MPV17L: variants seen among roughly 807,000 people sequenced by gnomAD.
The protein encoded by MPV17L is mpv17-like protein.
In MPV17L, 24 loss-of-function variants were observed where a neutral mutation model predicts 25.8. That is an observed-to-expected ratio of 0.93 (90% confidence interval 0.67 to 1.31). MPV17L has a LOEUF of 1.31. Ranked by LOEUF, MPV17L falls within the 50% of genes most tolerant of loss-of-function variation. MPV17L has a pLI of 0.00. For synonymous variants in MPV17L, 102 were observed against 115.3 expected, an observed-to-expected ratio of 0.88 and a Z score of 0.74; for missense variants, 250 against 265.6, an observed-to-expected ratio of 0.94 and a Z score of 0.41.
chr16:15,396,164 C>A lies in MPV17L; in HGVS notation c.267C>A (p.Asp89Glu). ...PHALLAKLLC[D>E]QVVGAPIAVS... ...CCCTGCTGGCCAAGTTGCTGTGCGA[C>A]CAGGTGGTCGGTGCGCCCATCGCGG... The change falls in exon 1 of 4, where the codon GAC becomes GAA. Residue 89 changes from aspartate to glutamate, a missense_variant. By Grantham distance (45) the Asp-to-Glu change is conservative (BLOSUM62 2). Coordinates refer to ENST00000396385, the MANE Select transcript of MPV17L (RefSeq NM_001128423.2). 1 of 1,550,480 alleles carries A rather than the reference C, an allele frequency of 6.4e-7. No individual in the cohort carries two copies.
At chr16:15,402,156 C>G (rs1197834502) in intron 2 of MPV17L, among the ~76,000 whole-genome samples, 1 of 152,110 alleles carries the variant, frequency 6.6e-6, no homozygotes, top group Non-Finnish European at 1.5e-5. Flanking sequence ...AGGTTTGAAG[C>G]AAATCAGCAT....
chr16:15,397,639 G>A (rs2050598811), intron 1 of MPV17L, among the ~76,000 whole-genome samples: 1 of 152,146 alleles, frequency 6.6e-6, no homozygotes, highest in Admixed American at 6.5e-5. Flanking sequence ...CCCCCCAAAT[G>A]GGAGGGAACT....
rs2050699881 is a variant in MPV17L, at chr16:15,408,219, T to A, written c.*107T>A. ...CAATTATGCACTTCATTTTGAGGAA[T>A]TACTACTATTTATAGACCCACTTTT... On this transcript the variant is annotated 3_prime_UTR_variant, in exon 4 of 4. Transcript: ENST00000396385. 2 of 798,388 alleles carry A rather than the reference T, an allele frequency of 2.5e-6. No individual in the cohort carries two copies. The highest frequency in any genetic ancestry group is 3.5e-5 in the African/African-American group (2 of 57,294). 49.5% of individuals were successfully genotyped at this position (798,388 alleles called of 1,614,324 possible). A position where few individuals can be genotyped will look rare whatever the true frequency, so the allele number is the denominator to read the frequency against.
intron 2 of MPV17L, among the ~76,000 whole-genome samples, chr16:15,401,594 C>T (rs988986267): frequency 2.0e-5 from 3 of 152,028 alleles, no homozygotes; most frequent in Admixed American, 1.3e-4. Context: ...CTGAGGCAGG[C>T]GGATCACTTG....
Position 15,397,768 on chromosome 16 carries a change from C to G in MPV17L, c.310+1561C>G, listed in dbSNP as rs192259381. ...TAAGAGTTGGATTCACTTCCTTTCC[C>G]TACAGACCCCACCAGAAACACAAAC... On this transcript the variant is annotated intron_variant, in intron 1 of 3. Coordinates refer to ENST00000396385, the MANE Select transcript of MPV17L (RefSeq NM_001128423.2). Among the ~76,000 whole-genome samples, 105 of 152,128 alleles carry G rather than the reference C, an allele frequency of 6.9e-4. No individual in the cohort carries two copies. In the East Asian group the frequency reaches 0.016, roughly 23 times the overall value.
At chr16:15,403,586 A>C (rs1322103481) in intron 2 of MPV17L, among the ~76,000 whole-genome samples, 1 of 150,944 alleles carries the variant, frequency 6.6e-6, no homozygotes, top group African/African-American at 2.4e-5. Context: ...AGATGGGAGG[A>C]TTGCAAGCCT....
intron 2 of MPV17L, among the ~76,000 whole-genome samples, chr16:15,406,202 A>G (rs1035985053): frequency 4.0e-5 from 6 of 151,780 alleles, no homozygotes; most frequent in Non-Finnish European, 5.9e-5. Context: ...AAATATATAT[A>G]TATACATACA....
In MPV17L at chr16:15,395,802, C is replaced by A; in HGVS notation, c.-96C>A. The stretch of plus-strand genomic sequence containing the variant: ...GGGCAGATGCAGGTGCCGGCTGCTG[C>A]AGTGCAGTAGCTGCTGGAGGCTGGG... On this transcript the variant is annotated 5_prime_UTR_variant, in exon 1 of 4. Transcript: ENST00000396385. 8.9e-7 allele frequency: 1 copy of A among 1,121,372 alleles called. No individual in the cohort carries two copies. Among genetic ancestry groups the A allele is most frequent in the Non-Finnish European group, 1.2e-6 (1 of 852,846 alleles). 69.5% of individuals were successfully genotyped at this position (1,121,372 alleles called of 1,614,324 possible).
rs1331624677 is a variant in MPV17L at position 15,408,163 on chromosome 16, G to C, written c.*51G>C. On this transcript the variant is annotated 3_prime_UTR_variant, in exon 4 of 4. Transcript: ENST00000396385. Reference sequence around the variant, plus strand: ...CCACATTTTTTACCTAAAATGCACAGAATTGCCTGCAGACAAAATATTTGA... The same window carrying C: ...CCACATTTTTTACCTAAAATGCACACAATTGCCTGCAGACAAAATATTTGA... 3 of 1,416,470 alleles carry C rather than the reference G, an allele frequency of 2.1e-6. No homozygotes were observed. The highest frequency in any genetic ancestry group is 2.9e-6 in the Non-Finnish European group (3 of 1,039,090). 87.7% of individuals were successfully genotyped at this position (1,416,470 alleles called of 1,614,324 possible).
chr16:15,408,092 G>C lies in MPV17L; in HGVS notation c.571G>C (p.Glu191Gln), dbSNP rs200724662. 1.9e-6 allele frequency: 3 copies of C among 1,604,468 alleles called. No individual in the cohort carries two copies. The highest frequency in any genetic ancestry group is 2.2e-5 in the East Asian group (1 of 44,746). Residue 191 changes from glutamate (E) to glutamine (Q), a missense_variant, in exon 4 of 4, where the codon GAA becomes CAA. Coordinates refer to ENST00000396385, the MANE Select transcript of MPV17L (RefSeq NM_001128423.2). ...ATATACAAAGGGGACCAGTGCCACA[G>C]AAGGGTACCCGAAGAAATGAGAAGT... ...ILYTKGTSAT[E>Q]GYPKK
chr16:15,402,585 G>T (rs529991579), intron 2 of MPV17L, among the ~76,000 whole-genome samples: 4 of 152,142 alleles, frequency 2.6e-5, no homozygotes, highest in Non-Finnish European at 5.9e-5. Context: ...CAGAACTCTT[G>T]TGATTTCTCT....
At chr16:15,397,799 G>A (rs1279307169) in intron 1 of MPV17L, among the ~76,000 whole-genome samples, 1 of 134,552 alleles carries the variant, frequency 7.4e-6, no homozygotes, top group Non-Finnish European at 1.7e-5. Context: ...CAAACCACCT[G>A]GTTGCCTGTT....
rs1313774077 is a variant in MPV17L, at chr16:15,400,843, T to C, written c.367T>C (p.Trp123Arg). ...ATTTTTGGACCTGAAACAGAAATTC[T>C]GGAATACCTATCTGGTAAGATAGGC... Reference protein sequence around the residue: ...DIFLDLKQKFWNTYLSGLMYW... With the variant: ...DIFLDLKQKFRNTYLSGLMYW... The change falls in exon 2 of 4, where the codon TGG becomes CGG. Residue 123 changes from tryptophan (W) to arginine (R), a missense_variant. By Grantham distance (101) the Trp-to-Arg change is moderately radical. Coordinates refer to ENST00000396385, the MANE Select transcript of MPV17L (RefSeq NM_001128423.2). The C allele has an allele frequency of 1.2e-6, 2 of 1,604,772 alleles. No individual in the cohort carries two copies. Among genetic ancestry groups the C allele is most frequent in the Admixed American group, 1.7e-5 (1 of 59,056 alleles).
intron 2 of MPV17L, among the ~76,000 whole-genome samples, chr16:15,402,361 C>T (rs1157986043): frequency 6.6e-6 from 1 of 152,154 alleles, no homozygotes; most frequent in East Asian, 1.9e-4. Flanking sequence ...TGTTCGCAGA[C>T]TGGCCTAGGG....
intron 2 of MPV17L, among the ~76,000 whole-genome samples, chr16:15,401,203 C>G (rs980118156): frequency 3.4e-5 from 5 of 149,052 alleles, no homozygotes; most frequent in Non-Finnish European, 5.9e-5. Flanking sequence ...GCCTGGACCT[C>G]CTGAGCTCAA....
Position 15,408,190 on chromosome 16 carries a change from G to A in MPV17L, c.*78G>A. On this transcript the variant is annotated 3_prime_UTR_variant, in exon 4 of 4. Transcript: ENST00000396385. ...ATTGCCTGCAGACAAAATATTTGAT[G>A]TGCCAATTATGCACTTCATTTTGAG... 2 of 1,131,776 alleles carry A rather than the reference G, an allele frequency of 1.8e-6. No individual in the cohort carries two copies. The highest frequency in any genetic ancestry group is 2.5e-6 in the Non-Finnish European group (2 of 794,282). 70.1% of individuals were successfully genotyped at this position (1,131,776 alleles called of 1,614,324 possible). A position where few individuals can be genotyped will look rare whatever the true frequency, so the allele number is the denominator to read the frequency against.
At chr16:15,407,878 T>A in intron 3 of MPV17L, 25 bp downstream of exon 3, 1 of 1,613,462 alleles carries the variant, frequency 6.2e-7, no homozygotes, top group East Asian at 2.2e-5. Flanking sequence ...CTCAGTAATA[T>A]GAACTCAGGG....
rs1288894593 is a variant in MPV17L, at chr16:15,407,965, G to C, written c.444G>C (p.Trp148Cys). ...ACTTCAGCCTTGTTCCTGTTCAATGGAGAACAGCTTACGCTGGAGTCTGTG... is the reference window on the plus strand; with the variant it reads ...ACTTCAGCCTTGTTCCTGTTCAATGCAGAACAGCTTACGCTGGAGTCTGTG... ...LTNFSLVPVQ[W>C]RTAYAGVCGF... The change falls in exon 4 of 4, where the codon TGG becomes TGC. Residue 148 changes from tryptophan to cysteine, a missense_variant. Physicochemically the swap from Trp to Cys is radical, Grantham distance 215 (BLOSUM62 -2). Transcript: ENST00000396385. The C allele has an allele frequency of 2.5e-5, 41 of 1,613,818 alleles. No homozygotes were observed. Among genetic ancestry groups the C allele is most frequent in the Non-Finnish European group, 3.5e-5 (41 of 1,180,026 alleles).
chr16:15,406,502 A>T (rs1261519456), intron 2 of MPV17L, among the ~76,000 whole-genome samples: 2 of 152,194 alleles, frequency 1.3e-5, no homozygotes, highest in African/African-American at 2.4e-5. Flanking sequence ...TGTAGGATAA[A>T]GCTTGTGAAA....
Sources: allele counts gnomAD v4.1 joint callset (sites outside exome capture counted in the v4.1 genomes callset), GRCh38; gene constraint gnomAD v4.1.1; transcripts MANE v1.5; gene names NCBI Gene and HGNC (gene_info 2026-07-23, HGNC 2026-07-21).